FAT3: variants seen among roughly 807,000 people sequenced by gnomAD.
The protein encoded by FAT3 is protocadherin Fat 3.
FAT3 carries 95 observed loss-of-function variants against 310.2 expected under a neutral mutation model. That is an observed-to-expected ratio of 0.31 (90% CI 0.26 to 0.36). The LOEUF is 0.36. Ranked by LOEUF, FAT3 falls within the 10% of genes least tolerant of loss-of-function variation. The probability of loss-of-function intolerance (pLI) is 1.00; values close to 1 mark genes in which losing one functional copy is unlikely to be tolerated. For synonymous variants in FAT3, 2,314 were observed against 2,192.9 expected (o/e 1.06, Z -1.54); for missense variants, 5,408 against 5,715.6 (o/e 0.95, Z 1.74).
chr11:92,261,116 T>C (rs374149802), intron 1 of FAT3, among the ~76,000 whole-genome samples: 9 of 152,096 alleles, frequency 5.9e-5, no homozygotes, highest in East Asian at 3.9e-4. Flanking sequence ...TCCCCATAAA[T>C]CATCCTAGAT....
chr11:92,307,898 TA>T, intron 1 of FAT3, among the ~76,000 whole-genome samples: 1 of 152,324 alleles, frequency 6.6e-6, no homozygotes, highest in African/African-American at 2.4e-5. Flanking sequence ...TGGGAATTAG[TA>T]ATCTCTTTCT....
rs1863845815 is a variant in FAT3 at position 92,225,094 on chromosome 11, G to C, written c.-98G>C. Among the ~76,000 whole-genome samples, 1 of 152,168 alleles carries C rather than the reference G, an allele frequency of 6.6e-6. No individual in the cohort carries two copies. The highest frequency in any genetic ancestry group is 1.5e-5 in the Non-Finnish European group (1 of 68,018). On this transcript the variant is annotated 5_prime_UTR_variant, in exon 1 of 28. Coordinates refer to ENST00000525166, the MANE Select transcript of FAT3 (RefSeq NM_001367949.2). ...AGCAGCCGGGGGACCGGCTCGCCCG[G>C]AGCAAGAGCGCCGAGCACCGGGTGA...
chr11:92,261,430 G>A (rs543439740), intron 1 of FAT3, among the ~76,000 whole-genome samples: 2 of 152,174 alleles, frequency 1.3e-5, no homozygotes, highest in South Asian at 4.2e-4. Context: ...GGTACTAAAG[G>A]GGCCTCTTAT....
At chr11:92,543,676 G>A (rs1954524037) in intron 3 of FAT3, among the ~76,000 whole-genome samples, 1 of 152,146 alleles carries the variant, frequency 6.6e-6, no homozygotes, top group South Asian at 2.1e-4. Context: ...TGCCTTATGG[G>A]TTTGATCTGT....
At chr11:92,235,612 C>A (rs1324439552) in intron 1 of FAT3, among the ~76,000 whole-genome samples, 1 of 152,146 alleles carries the variant, frequency 6.6e-6, no homozygotes, top group Non-Finnish European at 1.5e-5. Flanking sequence ...TTATGGACTT[C>A]CACAATTGAC....
At chr11:92,737,671 A>G (rs1945393569) in intron 4 of FAT3, among the ~76,000 whole-genome samples, 1 of 152,170 alleles carries the variant, frequency 6.6e-6, no homozygotes, top group Non-Finnish European at 1.5e-5. Flanking sequence ...TAGAATTACT[A>G]AAAATAAGCA....
intron 2 of FAT3, among the ~76,000 whole-genome samples, chr11:92,435,666 G>A (rs2135050481): frequency 6.6e-6 from 1 of 151,062 alleles, no homozygotes; most frequent in Non-Finnish European, 1.5e-5. Flanking sequence ...CTGGGTTCAA[G>A]CAATTCTCAT....
intron 13 of FAT3, among the ~76,000 whole-genome samples, chr11:92,826,161 C>G (rs1053853454): frequency 1.8e-4 from 27 of 152,156 alleles, no homozygotes; most frequent in African/African-American, 6.5e-4. Flanking sequence ...GCAAGAAAGA[C>G]AGAAACCTTC....
intron 2 of FAT3, among the ~76,000 whole-genome samples, chr11:92,483,136 G>A (rs1952279462): frequency 6.6e-6 from 1 of 152,128 alleles, no homozygotes; most frequent in Admixed American, 6.6e-5. Context: ...AACCACCATA[G>A]TGCTGATGCT....
At chr11:92,459,976 A>G (rs1007125858) in intron 2 of FAT3, among the ~76,000 whole-genome samples, 54 of 152,326 alleles carry the variant, frequency 3.5e-4, no homozygotes, top group African/African-American at 1.3e-3. Context: ...AAAAATAAGA[A>G]AAAAGAAAAT....
At chr11:92,450,996 A>T (rs1007560227) in intron 2 of FAT3, among the ~76,000 whole-genome samples, 1 of 152,162 alleles carries the variant, frequency 6.6e-6, no homozygotes. Flanking sequence ...TTTCCCAGAG[A>T]CTATAGAACA....
chr11:92,542,247 A>G (rs1954471952), intron 3 of FAT3, among the ~76,000 whole-genome samples: 1 of 152,066 alleles, frequency 6.6e-6, no homozygotes, highest in Admixed American at 6.6e-5. Context: ...GAAAGAAAAC[A>G]TAGGGAAAAT....
At chr11:92,429,408 T>C (rs568263612) in intron 2 of FAT3, among the ~76,000 whole-genome samples, 13 of 152,336 alleles carry the variant, frequency 8.5e-5, no homozygotes, top group African/African-American at 2.9e-4. Context: ...ATGTGTGAAT[T>C]TGATCCTGTC....
At chr11:92,505,196 C>G (rs1953062354) in intron 2 of FAT3, among the ~76,000 whole-genome samples, 1 of 152,094 alleles carries the variant, frequency 6.6e-6, no homozygotes, top group Non-Finnish European at 1.5e-5. Flanking sequence ...CTGCCTGCTA[C>G]CTCCGTTGAA....
intron 2 of FAT3, among the ~76,000 whole-genome samples, chr11:92,480,870 A>G (rs951321919): frequency 3.3e-5 from 5 of 152,238 alleles, no homozygotes; most frequent in Non-Finnish European, 7.3e-5. Context: ...TGAATGGGAC[A>G]GTAAGAGAAG....
intron 2 of FAT3, among the ~76,000 whole-genome samples, chr11:92,473,089 T>TA (rs1157897894): frequency 6.6e-6 from 1 of 152,190 alleles, no homozygotes; most frequent in Non-Finnish European, 1.5e-5. Flanking sequence ...CAGCCTCCCG[T>TA]ATGCTCCTGT....
intron 2 of FAT3, among the ~76,000 whole-genome samples, chr11:92,473,064 G>T (rs1951951735): frequency 6.6e-6 from 1 of 152,112 alleles, no homozygotes. Flanking sequence ...TCTGGGAAAA[G>T]TCTCCACTGA....
chr11:92,428,995 A>T (rs531886208), intron 2 of FAT3, among the ~76,000 whole-genome samples: 2 of 152,130 alleles, frequency 1.3e-5, no homozygotes, highest in African/African-American at 2.4e-5. Flanking sequence ...AGTCCCCACT[A>T]TTATTGTGTG....
chr11:92,452,073 G>A (rs991092503), intron 2 of FAT3, among the ~76,000 whole-genome samples: 3 of 152,156 alleles, frequency 2.0e-5, no homozygotes, highest in Admixed American at 2.0e-4. Context: ...CAATCCATTA[G>A]GAAACAGTTC....
Sources: allele counts gnomAD v4.1 joint callset (sites outside exome capture counted in the v4.1 genomes callset), GRCh38; gene constraint gnomAD v4.1.1; transcripts MANE v1.5; gene names NCBI Gene and HGNC (gene_info 2026-07-23, HGNC 2026-07-21).